Variants in UBAC2 observed in about 807,000 individuals in gnomAD.
UBAC2 encodes UBA domain containing 2.
In UBAC2, 26 loss-of-function variants were observed where a neutral mutation model predicts 44.0. That is an observed-to-expected ratio of 0.59 (90% CI 0.43 to 0.82). UBAC2 has a LOEUF of 0.82. Among genes scored for constraint, UBAC2 ranks in the 40% least tolerant of loss-of-function variants. The pLI, the probability that UBAC2 is intolerant of heterozygous loss-of-function variation, is 0.00. For synonymous variants in UBAC2, 155 were observed against 154.3 expected, an observed-to-expected ratio of 1.00 and a Z score of -0.04; for missense variants, 329 against 419.4, an observed-to-expected ratio of 0.78 and a Z score of 1.88.
intron 4 of UBAC2, among the ~76,000 whole-genome samples, chr13:99,271,878 A>G (rs2043820256): frequency 6.6e-6 from 1 of 151,894 alleles, no homozygotes; most frequent in Non-Finnish European, 1.5e-5. Context: ...CTTTTATATT[A>G]TTTTCTTACC....
intron 2 of UBAC2, among the ~76,000 whole-genome samples, chr13:99,242,487 C>T (rs1396390702): frequency 4.2e-5 from 6 of 143,222 alleles, no homozygotes; most frequent in Admixed American, 6.9e-5. Context: ...CCCGACGGGG[C>T]GGCTGGCCGG....
At chr13:99,234,278 G>A in intron 1 of UBAC2, 1 of 244,780 alleles carries the variant, frequency 4.1e-6, no homozygotes. Context: ...CACCTTCCAG[G>A]TTCAAGCGAT....
In UBAC2 at chr13:99,209,301, G is replaced by A. The variant is rs542162409; in HGVS notation, c.31+8362G>A. 6.6e-5 allele frequency among the ~76,000 whole-genome samples: 10 copies of A among 152,332 alleles called. No individual in the cohort carries two copies. In the South Asian group the frequency reaches 2.1e-3, roughly 32 times the overall value. ...CCTCCTGTCCTGTCTTCACGGGAGG[G>A]AACCCTCACATTCCACTGTCTGTAG... On this transcript the variant is annotated intron_variant, in intron 1 of 8. Transcript: ENST00000403766.
chr13:99,217,761 G>C (rs538088567), intron 1 of UBAC2, among the ~76,000 whole-genome samples: 46 of 152,116 alleles, frequency 3.0e-4, no homozygotes, highest in Non-Finnish European at 6.3e-4. Flanking sequence ...TTTAAAATTG[G>C]CTTATTTCAG....
intron 4 of UBAC2, among the ~76,000 whole-genome samples, chr13:99,249,923 T>C (rs538641498): frequency 3.9e-5 from 6 of 152,356 alleles, no homozygotes; most frequent in African/African-American, 1.2e-4. Context: ...GGTTGTTTTG[T>C]GCTTGTTGAA....
chr13:99,339,899 C>G (rs2044857925), intron 6 of UBAC2, among the ~76,000 whole-genome samples: 2 of 152,184 alleles, frequency 1.3e-5, no homozygotes. Flanking sequence ...GTGACTGGGT[C>G]AGCTGAGACA....
chr13:99,360,014 T>A (rs1191985811), intron 7 of UBAC2, among the ~76,000 whole-genome samples: 1 of 152,246 alleles, frequency 6.6e-6, no homozygotes, highest in Non-Finnish European at 1.5e-5. Context: ...CCAACAGTCT[T>A]AAAATAAGAT....
chr13:99,224,755 A>G (rs1416175167), intron 1 of UBAC2, among the ~76,000 whole-genome samples: 1 of 152,246 alleles, frequency 6.6e-6, no homozygotes, highest in African/African-American at 2.4e-5. Flanking sequence ...AATGCATTTC[A>G]AAGTAGATTA....
chr13:99,266,939 G>A (rs1566477263), intron 4 of UBAC2, among the ~76,000 whole-genome samples: 3 of 152,132 alleles, frequency 2.0e-5, no homozygotes, highest in African/African-American at 7.2e-5. Context: ...GGGAATGGCT[G>A]TATCGTTTTC....
chr13:99,334,148 T>G (rs1444552052), intron 6 of UBAC2, among the ~76,000 whole-genome samples: 1 of 151,896 alleles, frequency 6.6e-6, no homozygotes, highest in Non-Finnish European at 1.5e-5. Context: ...TTTTTAGAGA[T>G]GGGGGTCTTG....
At chr13:99,255,613 C>T in intron 4 of UBAC2, 1 of 1,614,056 alleles carries the variant, frequency 6.2e-7, no homozygotes, top group Non-Finnish European at 8.5e-7. Flanking sequence ...TCCAAATGGC[C>T]ATTCATCTTT....
chr13:99,347,319 G>GCCCCCCCCCCCC lies in UBAC2; in HGVS notation c.807+6758_807+6769dup, dbSNP rs3031439. ...GATTCAGACGTTACTATCCCCGGGC[G>GCCCCCCCCCCCC]CCCCCCCCCCCCCCCAGGAAAAAAA... On this transcript the variant is annotated intron_variant, in intron 7 of 8. Transcript: ENST00000403766. Among the ~76,000 whole-genome samples, 2 of 20,554 alleles carry GCCCCCCCCCCCC rather than the reference G, an allele frequency of 9.7e-5. 1 individual carries two copies. The highest frequency in any genetic ancestry group is 2.5e-4 in the Non-Finnish European group (2 of 7,936). 13.5% of individuals were successfully genotyped at this position (20,554 alleles called of 152,430 possible).
At chr13:99,377,996 T>C (rs573253822) in intron 8 of UBAC2, among the ~76,000 whole-genome samples, 6 of 152,348 alleles carry the variant, frequency 3.9e-5, no homozygotes, top group African/African-American at 1.4e-4. Flanking sequence ...CACGGAAGCA[T>C]GAACCTGGTT....
At chr13:99,265,295 C>G (rs1022917559) in intron 4 of UBAC2, among the ~76,000 whole-genome samples, 1 of 152,202 alleles carries the variant, frequency 6.6e-6, no homozygotes, top group African/African-American at 2.4e-5. Context: ...TTGCGCTCAG[C>G]AAGCCACAGT....
intron 1 of UBAC2, among the ~76,000 whole-genome samples, chr13:99,205,494 GA>G (rs2042859468): frequency 6.6e-6 from 1 of 152,234 alleles, no homozygotes; most frequent in Non-Finnish European, 1.5e-5. Flanking sequence ...CTCCTCCCCA[GA>G]GGGTCAGATT....
intron 1 of UBAC2, chr13:99,201,212 C>T (rs2042792558): frequency 4.2e-6 from 6 of 1,425,728 alleles, no homozygotes; most frequent in East Asian, 2.5e-5. Context: ...CTCTTGGGGC[C>T]GCTGCAAGTG....
chr13:99,287,647 T>TC (rs1308731085), intron 4 of UBAC2, among the ~76,000 whole-genome samples: 8 of 61,834 alleles, frequency 1.3e-4, no homozygotes, highest in Admixed American at 9.7e-4. Context: ...TTCTTTCTTT[T>TC]TTTTTTTTTT....
intron 2 of UBAC2, among the ~76,000 whole-genome samples, chr13:99,241,536 T>C (rs1026935099): frequency 1.3e-5 from 2 of 152,126 alleles, no homozygotes; most frequent in Admixed American, 6.5e-5. Flanking sequence ...GTATCTAATA[T>C]AAGCAAATTC....
At chr13:99,349,233 G>A (rs193079413) in intron 7 of UBAC2, among the ~76,000 whole-genome samples, 8 of 152,272 alleles carry the variant, frequency 5.3e-5, no homozygotes, top group Admixed American at 3.3e-4. Context: ...CCCTTTGCTC[G>A]CTGTAGCAAA....
Sources: gnomAD v4.1 joint callset for allele counts (sites outside exome capture counted in the v4.1 genomes callset) on GRCh38, gnomAD v4.1.1 for gene constraint, MANE v1.5 for transcripts, NCBI Gene and HGNC (gene_info 2026-07-23, HGNC 2026-07-21) for gene names.